Variants in B3GALNT2 observed in about 807,000 individuals in gnomAD.
B3GALNT2 encodes UDP-GalNAc:beta-1,3-N-acetylgalactosaminyltransferase 2.
A neutral mutation model predicts 61.1 loss-of-function variants in B3GALNT2; 53 were observed. That is an observed-to-expected ratio of 0.87 (90% CI 0.70 to 1.09). The LOEUF is 1.09. B3GALNT2 is among the 50% of genes least tolerant of loss of function. The probability of loss-of-function intolerance (pLI) is 0.00; values close to 1 mark genes in which losing one functional copy is unlikely to be tolerated. For missense variants in B3GALNT2, 544 were observed against 623.0 expected (o/e 0.87, Z 1.35); for synonymous variants, 223 against 237.4 (o/e 0.94, Z 0.56).
chr1:235,441,906 T>C, the B3GALNT2 span: 8 of 1,603,016 alleles, frequency 5.0e-6, no homozygotes, highest in East Asian at 2.2e-5. Flanking sequence ...ATTCAAATAG[T>C]TTATTTGTAT....
chr1:235,448,940 A>G lies in B3GALNT2; in HGVS notation c.*1266T>C. ...GACCATTTCTAGGCTTATACATAAT[A>G]GCAATAATAAAGGCTTTGAACCTAC... On this transcript the variant is annotated 3_prime_UTR_variant, in exon 12 of 12. Coordinates refer to ENST00000366600, the MANE Select transcript of B3GALNT2 (RefSeq NM_152490.5). The G allele has an allele frequency of 1.7e-6, 1 of 574,326 alleles. No individual in the cohort carries two copies. The highest frequency in any genetic ancestry group is 3.2e-5 in the East Asian group (1 of 30,876). 35.6% of individuals were successfully genotyped at this position (574,326 alleles called of 1,614,324 possible).
In B3GALNT2 at chr1:235,453,939, C is replaced by T. The variant is rs551237000; in HGVS notation, c.1311+217G>A. On this transcript the variant is annotated intron_variant, in intron 10 of 11. Coordinates refer to ENST00000366600, the MANE Select transcript of B3GALNT2 (RefSeq NM_152490.5). ...GGTTCTGCTTTCCATGATGGGATGC[C>T]GAGTGAGATGAAACTTGGTGTGATG... Among the ~76,000 whole-genome samples the T allele has an allele frequency of 2.6e-5, 4 of 152,088 alleles. No homozygotes were observed. In the South Asian group the frequency reaches 6.2e-4, roughly 24 times the overall value.
intron 6 of B3GALNT2, 95 bp from the exon 7 acceptor site, chr1:235,465,809 C>A: frequency 7.0e-7 from 1 of 1,426,806 alleles, no homozygotes. Context: ...TATGACTCCA[C>A]TTGCAGCAGA....
Position 235,496,372 on chromosome 1 carries a change from T to C in B3GALNT2, c.113-1544A>G, listed in dbSNP as rs1685323319. Reference sequence around the variant, plus strand: ...AGGTATTTATTATTTCACTCTACAATGAGTCATGTACTAAAACGAATTCTT... The same window carrying C: ...AGGTATTTATTATTTCACTCTACAACGAGTCATGTACTAAAACGAATTCTT... On this transcript the variant is annotated intron_variant, in intron 1 of 11. Transcript: ENST00000366600. 16 of 952,402 alleles carry C rather than the reference T, an allele frequency of 1.7e-5. No individual in the cohort carries two copies. The South Asian group carries it at 3.5e-4, about 21-fold the overall frequency. The allele number at this position is 952,402 out of a possible 1,614,324, so 59.0% of individuals were successfully genotyped here.
At position 235,501,069 on chromosome 1, in the gene B3GALNT2, T is replaced by C. The variant is rs150527048; in HGVS notation, c.112+3072A>G. Among the ~76,000 whole-genome samples, 3 of 152,380 alleles carry C rather than the reference T, an allele frequency of 2.0e-5. No individual in the cohort carries two copies. The East Asian group carries it at 5.8e-4, about 29-fold the overall frequency. ...TGTTGAGTGAATATGCTCCTTTGTT[T>C]TGGTTTCTTTCTTTCCAGATACCCT... On this transcript the variant is annotated intron_variant, in intron 1 of 11. Transcript: ENST00000366600.
intron 6 of B3GALNT2, among the ~76,000 whole-genome samples, chr1:235,467,199 A>G (rs938067624): frequency 6.6e-6 from 1 of 152,116 alleles, no homozygotes; most frequent in Non-Finnish European, 1.5e-5. Context: ...ATACAGAAAA[A>G]TTAGCTAGGC....
rs1176669261 is a variant in B3GALNT2 at position 235,494,777 on chromosome 1, A to C, written c.164T>G (p.Val55Gly). The C allele has an allele frequency of 6.2e-7, 1 of 1,611,432 alleles. No individual in the cohort carries two copies. The highest frequency in any genetic ancestry group is 8.5e-7 in the Non-Finnish European group (1 of 1,177,610). Residue 55 changes from valine (V) to glycine (G), a missense_variant, in exon 2 of 12, where the codon GTT (valine) becomes GGT (glycine). Transcript: ENST00000366600. ...QWKSTHYDVV[V>G]GVLSARNNHE... is the part of the protein sequence containing the mutation. The stretch of plus-strand genomic sequence containing the variant: ...GTTATTGCGAGCTGACAACACGCCA[A>C]CTACCACATCATAGTGAGTAGATTT...
chr1:235,455,825 C>A, intron 8 of B3GALNT2, 141 bp from the exon 9 acceptor site: 3 of 1,119,932 alleles, frequency 2.7e-6, no homozygotes, highest in Non-Finnish European at 3.7e-6. Context: ...AACATTTGCT[C>A]TAACAAAATT....
chr1:235,446,989 T>C (rs529415059), downstream of B3GALNT2, among the ~76,000 whole-genome samples: 627 of 152,252 alleles, frequency 4.1e-3, 3 homozygotes, highest in Non-Finnish European at 7.0e-3. Context: ...ATTAGAACTG[T>C]TTTATGACCA....
chr1:235,448,509 C>CTAGA lies in B3GALNT2; in HGVS notation c.*1693_*1696dup. 2 of 1,495,308 alleles carry CTAGA rather than the reference C, an allele frequency of 1.3e-6. No homozygotes were observed. Among genetic ancestry groups the CTAGA allele is most frequent in the Non-Finnish European group, 1.9e-6 (2 of 1,071,962 alleles). The allele number at this position is 1,495,308 out of a possible 1,614,324, so 92.6% of individuals were successfully genotyped here. On this transcript the variant is annotated 3_prime_UTR_variant, in exon 12 of 12. Coordinates refer to ENST00000366600, the MANE Select transcript of B3GALNT2 (RefSeq NM_152490.5). ...CTCGTATTATGACATTAAACTGTCT[C>CTAGA]TAGATAGCAACAGTTTGATTCTAAA...
Position 235,448,246 on chromosome 1 carries a change from A to C in B3GALNT2, c.*1960T>G. 1.2e-6 allele frequency: 1 copy of C among 831,440 alleles called. No homozygotes were observed. Among genetic ancestry groups the C allele is most frequent in the Non-Finnish European group, 2.1e-6 (1 of 486,660 alleles). The allele number at this position is 831,440 out of a possible 1,614,324, so 51.5% of individuals were successfully genotyped here. A position where few individuals can be genotyped will look rare whatever the true frequency, so the allele number is the denominator to read the frequency against. ...AAAAAAAAAAAAAAAAAAAAGACAGATACAGCTATCATTGCAATGATACTG... is the reference window on the plus strand; with the variant it reads ...AAAAAAAAAAAAAAAAAAAAGACAGCTACAGCTATCATTGCAATGATACTG... On this transcript the variant is annotated 3_prime_UTR_variant, in exon 12 of 12. Transcript: ENST00000366600.
At chr1:235,502,074 G>A (rs1208534675) in intron 1 of B3GALNT2, among the ~76,000 whole-genome samples, 5 of 152,116 alleles carry the variant, frequency 3.3e-5, no homozygotes, top group Admixed American at 1.3e-4. Flanking sequence ...GTGCAGTGGC[G>A]CAATCTCGTC....
At chr1:235,483,431 A>C (rs146297093) in intron 4 of B3GALNT2, among the ~76,000 whole-genome samples, 22 of 152,316 alleles carry the variant, frequency 1.4e-4, no homozygotes, top group Non-Finnish European at 2.6e-4. Flanking sequence ...CGCCCTGAAT[A>C]AAACAGACAA....
intron 7 of B3GALNT2, among the ~76,000 whole-genome samples, chr1:235,462,356 A>G (rs1384736182): frequency 6.6e-6 from 1 of 152,238 alleles, no homozygotes; most frequent in Non-Finnish European, 1.5e-5. Context: ...TATTCAACAT[A>G]CATGTTCTAG....
chr1:235,451,772 G>A (rs149389133), intron 11 of B3GALNT2: 19 of 152,262 alleles, frequency 1.2e-4, no homozygotes, highest in South Asian at 2.1e-4. Flanking sequence ...CTGCACCTTC[G>A]ATGGCCAAAG....
intron 5 of B3GALNT2, among the ~76,000 whole-genome samples, chr1:235,478,204 C>G (rs1348157344): frequency 4.6e-5 from 7 of 152,112 alleles, no homozygotes; most frequent in Non-Finnish European, 8.8e-5. Context: ...AGGAGCCTAC[C>G]ACCGCACCCA....
chr1:235,457,866 C>T (rs1009712890), intron 8 of B3GALNT2, among the ~76,000 whole-genome samples: 49 of 151,150 alleles, frequency 3.2e-4, no homozygotes, highest in Non-Finnish European at 8.8e-5. Flanking sequence ...TTGAGACAAC[C>T]GAGGCAAGCA....
At chr1:235,456,334 C>T (rs991332610) in intron 8 of B3GALNT2, among the ~76,000 whole-genome samples, 5 of 152,184 alleles carry the variant, frequency 3.3e-5, no homozygotes, top group Non-Finnish European at 5.9e-5. Flanking sequence ...TTCACATTGA[C>T]AGTCCCTGTA....
chr1:235,447,893 T>TACTTGGGTAAAGTGACTTGGGTAAAGTG lies in B3GALNT2; in HGVS notation c.*2312_*2313insCACTTTACCCAAGTCACTTTACCCAAGT, dbSNP rs551030877. ...AGACTCAGGCTTTCCCCTAATTACT[T>TACTTGGGTAAAGTGACTTGGGTAAAGTG]ACTTGGGTAAAGTGACTTGGGTAAA... On this transcript the variant is annotated 3_prime_UTR_variant, in exon 12 of 12. Transcript: ENST00000366600. 9.9e-4 allele frequency among the ~76,000 whole-genome samples: 150 copies of TACTTGGGTAAAGTGACTTGGGTAAAGTG among 152,234 alleles called. No individual in the cohort carries two copies. Among genetic ancestry groups the TACTTGGGTAAAGTGACTTGGGTAAAGTG allele is most frequent in the African/African-American group, 3.5e-3 (144 of 41,548 alleles).
Sources: allele counts gnomAD v4.1 joint callset (sites outside exome capture counted in the v4.1 genomes callset), GRCh38; gene constraint gnomAD v4.1.1; transcripts MANE v1.5; gene names NCBI Gene and HGNC (gene_info 2026-07-23, HGNC 2026-07-21).